TMC3: variants seen among roughly 807,000 people sequenced by gnomAD.
TMC3 encodes transmembrane channel like 3, also known as transmembrane channel-like protein 3.
A neutral mutation model predicts 110.6 loss-of-function variants in TMC3; 98 were observed. The observed-to-expected ratio is 0.89, with a 90% confidence interval of 0.75 to 1.05. TMC3 has a LOEUF of 1.05. Ranked by LOEUF, TMC3 falls within the 50% of genes least tolerant of loss-of-function variation. TMC3 has a pLI of 0.00. For missense variants in TMC3, 1,319 were observed against 1,373.2 expected, an observed-to-expected ratio of 0.96 and a Z score of 0.62; for synonymous variants, 489 against 513.1, an observed-to-expected ratio of 0.95 and a Z score of 0.63.
At chr15:81,357,575 G>T (rs1823057368) in intron 7 of TMC3, among the ~76,000 whole-genome samples, 2 of 152,062 alleles carry the variant, frequency 1.3e-5, no homozygotes, top group Non-Finnish European at 1.5e-5. Context: ...TCACAGTCGG[G>T]GTGGTGCAGA....
rs539442218 is a variant in TMC3 at position 81,358,580 on chromosome 15, G to A, written c.502-80C>T. 4 of 1,178,602 alleles carry A rather than the reference G, an allele frequency of 3.4e-6. No homozygotes were observed. In the South Asian group the frequency reaches 6.0e-5, roughly 18 times the overall value. 73.0% of individuals were successfully genotyped at this position (1,178,602 alleles called of 1,614,324 possible). On this transcript the variant is annotated intron_variant, in intron 5 of 21. Transcript: ENST00000359440. ...GAAAATGAGAGGTTGATCTCCATGT[G>A]CTTGTGAAAATGCCACACATAAGAG...
intron 4 of TMC3, 135 bp downstream of exon 4, chr15:81,362,085 T>A: frequency 1.5e-6 from 1 of 674,304 alleles, no homozygotes; most frequent in Non-Finnish European, 2.6e-6. Flanking sequence ...TTGTTCCATA[T>A]GGAGGCCAGT....
At chr15:81,337,074 T>C (rs1192970823) in intron 19 of TMC3, among the ~76,000 whole-genome samples, 2 of 152,162 alleles carry the variant, frequency 1.3e-5, no homozygotes, top group African/African-American at 4.8e-5. Flanking sequence ...GGAAGTTTTT[T>C]TTTTTTTCTG....
At position 81,343,988 on chromosome 15, in the gene TMC3, T is replaced by C. The variant is rs1327157560; in HGVS notation, c.1576A>G (p.Ile526Val). ...MLFTVASILLIDFFRGLFVRY... is the reference protein window; with the variant it reads ...MLFTVASILLVDFFRGLFVRY... ...ACGAAAAGTCCTCGGAAGAAGTCTA[T>C]GAGCAGAATGCTCGCCACGGTGAAG... The change falls in exon 14 of 22, where the codon ATA becomes GTA. Residue 526 changes from isoleucine (I) to valine (V), a missense_variant. Ile to Val is a conservative substitution (Grantham distance 29). Coordinates refer to ENST00000359440, the MANE Select transcript of TMC3 (RefSeq NM_001080532.3). The C allele has an allele frequency of 6.2e-7, 1 of 1,613,350 alleles. No homozygotes were observed. Among genetic ancestry groups the C allele is most frequent in the Admixed American group, 1.7e-5 (1 of 60,008 alleles).
intron 18 of TMC3, 86 bp downstream of exon 18, chr15:81,338,569 A>C (rs532879224): frequency 1.2e-5 from 19 of 1,556,244 alleles, no homozygotes; most frequent in Admixed American, 5.8e-5. Flanking sequence ...TGAACTAATA[A>C]ATTTTATGTA....
rs375060606 is a variant in TMC3 at position 81,351,028 on chromosome 15, A to G, written c.1083+666T>C. On this transcript the variant is annotated intron_variant, in intron 10 of 21. Coordinates refer to ENST00000359440, the MANE Select transcript of TMC3 (RefSeq NM_001080532.3). ...CACCTGGTCAACTTTAATCCATACT[A>G]TGGAATAAGTGTAGTTGTTAATTCC... Among the ~76,000 whole-genome samples the G allele has an allele frequency of 1.3e-4, 20 of 152,330 alleles. No homozygotes were observed. The East Asian group carries it at 2.3e-3, about 18-fold the overall frequency.
At position 81,333,225 on chromosome 15, in the gene TMC3, G is replaced by A; in HGVS notation, c.2497C>T (p.His833Tyr). Residue 833 changes from histidine to tyrosine, a missense_variant, in exon 22 of 22, where the codon CAC becomes TAC. By Grantham distance (83) the His-to-Tyr change is moderately conservative. Transcript: ENST00000359440. ...HGLCASTSDL[H>Y]RNRSRTPMTF... ...ATAGGTGTGCGCGATCTGTTCCTGTGAAGGTCACTGGTGCTTGCACACAGA... is the reference window on the plus strand; with the variant it reads ...ATAGGTGTGCGCGATCTGTTCCTGTAAAGGTCACTGGTGCTTGCACACAGA... 3 of 1,613,426 alleles carry A rather than the reference G, an allele frequency of 1.9e-6. No individual in the cohort carries two copies. The highest frequency in any genetic ancestry group is 1.1e-5 in the South Asian group (1 of 91,038).
At chr15:81,358,536 G>T (rs1471247296) in intron 5 of TMC3, 36 bp from the exon 6 acceptor site, 1 of 1,538,706 alleles carries the variant, frequency 6.5e-7, no homozygotes, top group Non-Finnish European at 8.8e-7. Context: ...GTGGTCCTCT[G>T]GGTGGGAGGG....
Position 81,368,317 on chromosome 15 carries a change from T to C in TMC3, c.248A>G (p.Asn83Ser), listed in dbSNP as rs2141426201. The change falls in exon 3 of 22, where the codon AAC becomes AGC. Residue 83 changes from asparagine to serine, a missense_variant. Asn to Ser is a conservative substitution (Grantham distance 46). Transcript: ENST00000359440. ...QKLRALRQAKNIVLKFEGRLT... is the reference protein window; with the variant it reads ...QKLRALRQAKSIVLKFEGRLT... ...CCTCCCTTCAAACTTCAGCACAATG[T>C]TCTTCGCTTGTCTAAGAGAAGAAAA... is the stretch of plus-strand genomic sequence containing the variant. The C allele has an allele frequency of 6.2e-7, 1 of 1,613,514 alleles. No homozygotes were observed. Among genetic ancestry groups the C allele is most frequent in the South Asian group, 1.1e-5 (1 of 91,080 alleles).
intron 3 of TMC3, among the ~76,000 whole-genome samples, chr15:81,363,768 T>TGTTCACCTG (rs1894243916): frequency 6.6e-6 from 1 of 152,228 alleles, no homozygotes; most frequent in African/African-American, 2.4e-5. Context: ...ACCTTAATTT[T>TGTTCACCTG]GTTCACCTGG....
intron 8 of TMC3, among the ~76,000 whole-genome samples, chr15:81,356,098 A>G (rs1055245780): frequency 1.3e-5 from 2 of 152,214 alleles, no homozygotes; most frequent in African/African-American, 2.4e-5. Context: ...TTCTAAGTTA[A>G]AAGTAAAAGC....
intron 7 of TMC3, among the ~76,000 whole-genome samples, 160 bp from the exon 8 acceptor site, chr15:81,356,754 C>A (rs1894073472): frequency 6.6e-6 from 1 of 152,206 alleles, no homozygotes; most frequent in Admixed American, 6.5e-5. Flanking sequence ...GACTGGATTT[C>A]TGCCCATGCT....
chr15:81,368,929 G>A (rs1894376017), intron 2 of TMC3, among the ~76,000 whole-genome samples: 2 of 152,060 alleles, frequency 1.3e-5, no homozygotes, highest in South Asian at 4.1e-4. Flanking sequence ...AATTGGGATA[G>A]ACAGTTAAAT....
chr15:81,343,045 G>T, intron 15 of TMC3: 1 of 449,076 alleles, frequency 2.2e-6, no homozygotes, highest in Non-Finnish European at 4.0e-6. Context: ...GATTTTTTTC[G>T]GCTGCGACCA....
intron 17 of TMC3, 136 bp downstream of exon 17, chr15:81,339,258 G>C: frequency 1.5e-6 from 1 of 684,560 alleles, no homozygotes; most frequent in Non-Finnish European, 2.5e-6. Flanking sequence ...CCTGGTCTTG[G>C]ATTTAAAACA....
chr15:81,372,865 T>TTGTG, intron 1 of TMC3, 128 bp from the exon 2 acceptor site: 5 of 579,550 alleles, frequency 8.6e-6, no homozygotes, highest in Non-Finnish European at 5.8e-6. Context: ...GTGTATGTGT[T>TTGTG]TGTGCGTGTG....
Position 81,364,828 on chromosome 15 carries a change from A to G in TMC3, c.313-2527T>C, listed in dbSNP as rs186376458. Among the ~76,000 whole-genome samples the G allele has an allele frequency of 9.2e-3, 1,407 of 152,160 alleles. 11 individuals are homozygous for G. Among genetic ancestry groups the G allele is most frequent in the Non-Finnish European group, 0.014 (981 of 68,002 alleles). Reference sequence around the variant, plus strand: ...CACTTCAGAGTGATATTTTCTACAAATCCTCAAATAAATTTTGAAATTGAG... The same window carrying G: ...CACTTCAGAGTGATATTTTCTACAAGTCCTCAAATAAATTTTGAAATTGAG... On this transcript the variant is annotated intron_variant, in intron 3 of 21. Coordinates refer to ENST00000359440, the MANE Select transcript of TMC3 (RefSeq NM_001080532.3).
At position 81,349,496 on chromosome 15, in the gene TMC3, C is replaced by T. The variant is rs923366430; in HGVS notation, c.1155G>A (p.Met385Ile). The T allele has an allele frequency of 1.9e-6, 3 of 1,556,962 alleles. No individual in the cohort carries two copies. The highest frequency in any genetic ancestry group is 3.7e-5 in the Admixed American group (2 of 53,368). ...SAFDLIAALE[M>I]YHPRTTLRFQ... is the part of the protein sequence containing the mutation. ...AGCGCAGCGTGGTCCTGGGGTGGTA[C>T]ATCTCTAAGGCAGCAATGAGGTCAA... Residue 385 changes from methionine (M) to isoleucine (I), a missense_variant, in exon 11 of 22, where the codon ATG becomes ATA. Physicochemically the swap from Met to Ile is conservative, Grantham distance 10 (BLOSUM62 1). Coordinates refer to ENST00000359440, the MANE Select transcript of TMC3 (RefSeq NM_001080532.3).
At chr15:81,362,667 A>G (rs1272930185) in intron 3 of TMC3, among the ~76,000 whole-genome samples, 2 of 152,188 alleles carry the variant, frequency 1.3e-5, no homozygotes, top group Non-Finnish European at 2.9e-5. Flanking sequence ...AGAAAAAAAA[A>G]TCTTTTTAAC....
Sources: allele counts gnomAD v4.1 joint callset (sites outside exome capture counted in the v4.1 genomes callset), GRCh38; gene constraint gnomAD v4.1.1; transcripts MANE v1.5; gene names NCBI Gene and HGNC (gene_info 2026-07-23, HGNC 2026-07-21).